Variants in LPIN2 observed in about 807,000 individuals in gnomAD.
LPIN2 encodes phosphatidate phosphatase LPIN2.
A neutral mutation model predicts 111.4 loss-of-function variants in LPIN2; 55 were observed. The observed-to-expected ratio is 0.49, with a 90% CI of 0.40 to 0.62. The LOEUF (loss-of-function observed/expected upper bound fraction) is 0.62. Among genes scored for constraint, LPIN2 ranks in the 20% least tolerant of loss-of-function variants. The pLI is 0.00. For missense variants in LPIN2, 992 were observed against 1,112.1 expected, an observed-to-expected ratio of 0.89 and a Z score of 1.54; for synonymous variants, 425 against 414.0, an observed-to-expected ratio of 1.03 and a Z score of -0.32.
chr18:2,971,055 C>T (rs2077900462), intron 1 of LPIN2, among the ~76,000 whole-genome samples: 1 of 152,212 alleles, frequency 6.6e-6, no homozygotes, highest in African/African-American at 2.4e-5. Context: ...ACAGTGTCTA[C>T]TTCAGCTTTT....
chr18:3,000,030 G>GTT (rs57443537), intron 1 of LPIN2, among the ~76,000 whole-genome samples: 32,520 of 142,664 alleles, frequency 0.23, 4,107 homozygotes, highest in Non-Finnish European at 0.28. Context: ...TCTCTGTTTT[G>GTT]TTTTTTTTTT....
At chr18:2,941,545 T>A (rs1475179632) in intron 4 of LPIN2, among the ~76,000 whole-genome samples, 1 of 152,238 alleles carries the variant, frequency 6.6e-6, no homozygotes, top group Non-Finnish European at 1.5e-5. Context: ...CTTGGAAATT[T>A]ATCATTTGTC....
At chr18:2,986,288 G>A (rs920075920) in intron 1 of LPIN2, among the ~76,000 whole-genome samples, 1 of 152,142 alleles carries the variant, frequency 6.6e-6, no homozygotes, top group African/African-American at 2.4e-5. Context: ...AAGTTCCAGT[G>A]TTTCATAATA....
intron 12 of LPIN2, among the ~76,000 whole-genome samples, chr18:2,927,245 G>A (rs746604941): frequency 6.6e-5 from 10 of 152,142 alleles, no homozygotes; most frequent in African/African-American, 9.7e-5. Context: ...CTCTTTTTCA[G>A]AAGGTGTTGG....
At position 2,991,293 on chromosome 18, in the gene LPIN2, T is replaced by G. The variant is rs551940140; in HGVS notation, c.-10+21794A>C. On this transcript the variant is annotated intron_variant, in intron 1 of 19. Coordinates refer to ENST00000677752, the MANE Select transcript of LPIN2 (RefSeq NM_001375808.2). ...ATATTGTGAAATATGAAAATAAAAT[T>G]GTCAACTTTTTTTAAAAAAGGAAAA... 9.2e-5 allele frequency among the ~76,000 whole-genome samples: 14 copies of G among 152,262 alleles called. No homozygotes were observed. The East Asian group carries it at 2.7e-3, about 29-fold the overall frequency.
At chr18:2,926,952 A>G (rs1294067859) in intron 12 of LPIN2, 147 bp from the exon 13 acceptor site, 11 of 718,216 alleles carry the variant, frequency 1.5e-5, no homozygotes, top group Non-Finnish European at 2.7e-5. Context: ...CTCTATTCTG[A>G]GCCAAAGAAT....
chr18:2,973,710 A>G (rs1028459784), intron 1 of LPIN2, among the ~76,000 whole-genome samples: 1 of 152,262 alleles, frequency 6.6e-6, no homozygotes, highest in Admixed American at 6.5e-5. Context: ...AGATTTTGGA[A>G]TATTTGCATA....
chr18:2,925,393 G>T lies in LPIN2; in HGVS notation c.1794-25C>A, dbSNP rs1003117203. On this transcript the variant is annotated intron_variant, in intron 13 of 19. Transcript: ENST00000677752. The surrounding 1 kb of genome is among the most constrained non-coding windows in gnomAD (Gnocchi z 4.1). ...CCTGTTCAACATTAGCCCAGTTACG[G>T]AAGAGGCAGCAGGGCATTTTATTGA... 7 of 1,613,976 alleles carry T rather than the reference G, an allele frequency of 4.3e-6. No homozygotes were observed. The highest frequency in any genetic ancestry group is 5.9e-6 in the Non-Finnish European group (7 of 1,179,938).
chr18:2,986,547 T>TGA (rs10692682), intron 1 of LPIN2, among the ~76,000 whole-genome samples: 29,940 of 134,834 alleles, frequency 0.22, 3,988 homozygotes, highest in Non-Finnish European at 0.25. Context: ...TTTTTTAATG[T>TGA]AAAAAAAAAA....
intron 9 of LPIN2, among the ~76,000 whole-genome samples, 160 bp from the exon 10 acceptor site, chr18:2,929,318 T>C (rs764015423): frequency 3.9e-5 from 6 of 152,226 alleles, no homozygotes; most frequent in Admixed American, 1.3e-4. Flanking sequence ...ACGCTTTTTT[T>C]CCCCAGGACA....
At chr18:2,998,256 T>C (rs913172917) in intron 1 of LPIN2, among the ~76,000 whole-genome samples, 1 of 152,222 alleles carries the variant, frequency 6.6e-6, no homozygotes, top group African/African-American at 2.4e-5. Flanking sequence ...TATTTTTAAG[T>C]AGTTTTGCAA....
intron 1 of LPIN2, among the ~76,000 whole-genome samples, chr18:2,982,196 T>C (rs1471372793): frequency 2.6e-5 from 4 of 152,184 alleles, no homozygotes; most frequent in Non-Finnish European, 5.9e-5. Flanking sequence ...AGAAAGCAAC[T>C]GCAGCCACTC....
intron 1 of LPIN2, among the ~76,000 whole-genome samples, chr18:3,009,953 T>C (rs1266183658): frequency 6.6e-6 from 1 of 152,228 alleles, no homozygotes; most frequent in Non-Finnish European, 1.5e-5. Flanking sequence ...CAGATTTTTT[T>C]TTCTTCTCCT....
intron 2 of LPIN2, among the ~76,000 whole-genome samples, chr18:2,958,106 C>T (rs1215251415): frequency 1.7e-5 from 2 of 117,808 alleles, no homozygotes; most frequent in African/African-American, 6.3e-5. Context: ...CGCCCCACTG[C>T]ACTCCAGCTT....
intron 8 of LPIN2, among the ~76,000 whole-genome samples, chr18:2,933,640 G>A (rs905871484): frequency 2.6e-5 from 4 of 152,218 alleles, no homozygotes; most frequent in Admixed American, 6.5e-5. Flanking sequence ...ATTTACAAGT[G>A]TTTAATTATG....
intron 1 of LPIN2, among the ~76,000 whole-genome samples, chr18:2,965,721 C>A (rs1195944630): frequency 2.0e-5 from 2 of 98,440 alleles, no homozygotes; most frequent in Admixed American, 1.1e-4. Flanking sequence ...CAGAGTGAGA[C>A]TCCCAATCTC....
chr18:2,927,766 C>T lies in LPIN2; in HGVS notation c.1666G>A (p.Gly556Ser), dbSNP rs1317105671. 1 of 1,614,070 alleles carries T rather than the reference C, an allele frequency of 6.2e-7. No individual in the cohort carries two copies. Among genetic ancestry groups the T allele is most frequent in the Non-Finnish European group, 8.5e-7 (1 of 1,180,036 alleles). ...WVKDKMPKKS[G>S]RWWFWRKRES... ...CTCTTTCGCCAAAACCACCAGCGAC[C>T]AGATTTCTTTGGCATCTTGTCTTTC... The change falls in exon 12 of 20, where the codon GGT (glycine) becomes AGT (serine). Residue 556 changes from glycine (G) to serine (S), a missense_variant. Physicochemically the swap from Gly to Ser is moderately conservative, Grantham distance 56. Coordinates refer to ENST00000677752, the MANE Select transcript of LPIN2 (RefSeq NM_001375808.2).
chr18:2,986,017 AG>A (rs1414602730), intron 1 of LPIN2, among the ~76,000 whole-genome samples: 1 of 152,232 alleles, frequency 6.6e-6, no homozygotes, highest in East Asian at 1.9e-4. Context: ...CTCATGACAA[AG>A]GGAACATGTA....
intron 4 of LPIN2, among the ~76,000 whole-genome samples, chr18:2,941,085 A>G (rs2077361496): frequency 6.6e-6 from 1 of 152,242 alleles, no homozygotes; most frequent in East Asian, 1.9e-4. Flanking sequence ...AGAGAAATTT[A>G]GTAACTTGCT....
Sources: allele counts gnomAD v4.1 joint callset (sites outside exome capture counted in the v4.1 genomes callset), GRCh38; gene constraint gnomAD v4.1.1; non-coding constraint Gnocchi (gnomAD v3.1); transcripts MANE v1.5; gene names NCBI Gene and HGNC (gene_info 2026-07-23, HGNC 2026-07-21).